MYPN: variants seen among roughly 807,000 people sequenced by gnomAD.
The protein encoded by MYPN is myopalladin, also known as sarcomeric protein myopalladin, 145 kDa (MYOP).
In MYPN, 63 loss-of-function variants were observed where a neutral mutation model predicts 129.4. The observed-to-expected ratio is 0.49, with a 90% CI of 0.40 to 0.60. The LOEUF (loss-of-function observed/expected upper bound fraction) is 0.60. Among genes scored for constraint, MYPN ranks in the 20% least tolerant of loss-of-function variants. MYPN has a pLI of 0.00. For synonymous variants in MYPN, 629 were observed against 600.9 expected (o/e 1.05, Z -0.68); for missense variants, 1,596 against 1,635.4 (o/e 0.98, Z 0.42).
intron 2 of MYPN, among the ~76,000 whole-genome samples, chr10:68,140,177 T>C (rs1403497133): frequency 3.9e-5 from 6 of 152,120 alleles, no homozygotes; most frequent in Non-Finnish European, 8.8e-5. Flanking sequence ...GCTTATGTGT[T>C]CACAGAATCA....
intron 15 of MYPN, among the ~76,000 whole-genome samples, chr10:68,196,171 A>G (rs1337258532): frequency 6.6e-6 from 1 of 152,260 alleles, no homozygotes; most frequent in Non-Finnish European, 1.5e-5. Context: ...TATGTAAATC[A>G]GACCCATTGA....
chr10:68,207,934 T>C (rs893423973), intron 19 of MYPN, among the ~76,000 whole-genome samples: 3 of 135,748 alleles, frequency 2.2e-5, no homozygotes, highest in African/African-American at 8.2e-5. Context: ...TCCCCCACAC[T>C]TAAATTGACT....
intron 1 of MYPN, among the ~76,000 whole-genome samples, chr10:68,113,012 T>C (rs566595953): frequency 1.1e-4 from 16 of 152,318 alleles, no homozygotes; most frequent in African/African-American, 3.8e-4. Context: ...TAGGGTGATA[T>C]CATTGGATAT....
rs1009996797 is a variant in MYPN, at chr10:68,211,435, C to T, written c.*980C>T. On this transcript the variant is annotated 3_prime_UTR_variant, in exon 20 of 20. Coordinates refer to ENST00000358913, the MANE Select transcript of MYPN (RefSeq NM_032578.4). ...GGAGAGTGTTGTTTTTGTCACTTGC[C>T]CCAGCAGAGCAGGGGTTTTGGAAGG... is the stretch of plus-strand genomic sequence containing the variant. 4.4e-6 allele frequency: 2 copies of T among 453,844 alleles called. No individual in the cohort carries two copies. The highest frequency in any genetic ancestry group is 8.8e-6 in the Non-Finnish European group (2 of 226,784). The allele number at this position is 453,844 out of a possible 1,614,324, so 28.1% of individuals were successfully genotyped here.
Position 68,174,229 on chromosome 10 carries a change from C to T in MYPN, c.2137C>T (p.Pro713Ser), listed in dbSNP as rs762572651. 2 of 1,614,118 alleles carry T rather than the reference C, an allele frequency of 1.2e-6. No homozygotes were observed. Among genetic ancestry groups the T allele is most frequent in the East Asian group, 2.2e-5 (1 of 44,882 alleles). The change falls in exon 11 of 20, where the codon CCT (proline) becomes TCT (serine). Residue 713 changes from proline to serine, a missense_variant. Transcript: ENST00000358913. Reference sequence around the variant, plus strand: ...AACATCCAGTAAGCAGGTGAAGGCTCCTTCATCACAGACGTTCAGCTTGGC... The same window carrying T: ...AACATCCAGTAAGCAGGTGAAGGCTTCTTCATCACAGACGTTCAGCTTGGC... ...VTTSSKQVKA[P>S]SSQTFSLARP... is the part of the protein sequence containing the mutation.
At chr10:68,102,666 G>T (rs2041987573), upstream of MYPN, among the ~76,000 whole-genome samples, 1 of 151,984 alleles carries the variant, frequency 6.6e-6, no homozygotes, top group Non-Finnish European at 1.5e-5. Context: ...TGGCAGTCTG[G>T]GTCTTGTTCC....
chr10:68,194,159 A>G (rs1056224188), intron 13 of MYPN, among the ~76,000 whole-genome samples: 1 of 152,030 alleles, frequency 6.6e-6, no homozygotes, highest in African/African-American at 2.4e-5. Context: ...TATAATATTT[A>G]ATATTAAATA....
In MYPN at chr10:68,175,380, T is replaced by A. The variant is rs1390437313; in HGVS notation, c.2622T>A (p.Asp874Glu). 3.1e-6 allele frequency: 5 copies of A among 1,613,918 alleles called. No homozygotes were observed. The highest frequency in any genetic ancestry group is 4.2e-6 in the Non-Finnish European group (5 of 1,179,788). The stretch of plus-strand genomic sequence containing the variant: ...AGTCTCCTCAACCAGTGAATGATGA[T>A]AACATTCGTGAAACTAAGAACGCAG... ...NTKSPQPVND[D>E]NIRETKNAVI... Residue 874 changes from aspartate (D) to glutamate (E), a missense_variant, in exon 12 of 20, where the codon GAT (aspartate) becomes GAA (glutamate). Transcript: ENST00000358913.
intron 2 of MYPN, among the ~76,000 whole-genome samples, chr10:68,142,272 T>A (rs2042589683): frequency 6.6e-6 from 1 of 152,244 alleles, no homozygotes; most frequent in African/African-American, 2.4e-5. Context: ...TATGCACCTC[T>A]ACATTTTAAA....
At chr10:68,129,825 G>T (rs2042382235) in intron 2 of MYPN, among the ~76,000 whole-genome samples, 1 of 152,148 alleles carries the variant, frequency 6.6e-6, no homozygotes, top group African/African-American at 2.4e-5. Context: ...TCCCAAATCT[G>T]AGAATTTCAA....
At chr10:68,150,192 T>G (rs985230584) in intron 6 of MYPN, 81 bp downstream of exon 6, 148 of 1,271,752 alleles carry the variant, frequency 1.2e-4, no homozygotes, top group Non-Finnish European at 1.6e-5. Flanking sequence ...GATTTATTCA[T>G]TTTTATCTCA....
chr10:68,174,411 A>T lies in MYPN; in HGVS notation c.2319A>T (p.Lys773Asn), dbSNP rs1468437257. The change falls in exon 11 of 20, where the codon AAA (lysine) becomes AAT (asparagine). Residue 773 changes from lysine (K) to asparagine (N), a missense_variant. Lys to Asn is a moderately conservative substitution (Grantham distance 94). Coordinates refer to ENST00000358913, the MANE Select transcript of MYPN (RefSeq NM_032578.4). The stretch of plus-strand genomic sequence containing the variant: ...TGTCTCACCCCTCTGTGCAAACCAA[A>T]TCTCCAGGAGGGCTTTCCATCCAAA... ...LLVSHPSVQTKSPGGLSIQNE... is the reference protein window; with the variant it reads ...LLVSHPSVQTNSPGGLSIQNE... 1 of 1,613,890 alleles carries T rather than the reference A, an allele frequency of 6.2e-7. No individual in the cohort carries two copies. Among genetic ancestry groups the T allele is most frequent in the Admixed American group, 1.7e-5 (1 of 59,986 alleles).
In MYPN at chr10:68,121,858, T is replaced by C. The variant is rs71578990; in HGVS notation, c.420T>C (p.Tyr140=). 117 of 1,614,238 alleles carry C rather than the reference T, an allele frequency of 7.2e-5. No individual in the cohort carries two copies. The Middle Eastern group carries it at 1.2e-3, about 16-fold the overall frequency. The change falls in exon 2 of 20, where the codon TAT becomes TAC. Residue 140 remains tyrosine (Y), a synonymous_variant. Transcript: ENST00000358913. ...CCCAGGAGGCAAAAAGGCCACAGTATTGTTCTGAAACCCAGTCCAAAAAAG... is the reference window on the plus strand; with the variant it reads ...CCCAGGAGGCAAAAAGGCCACAGTACTGTTCTGAAACCCAGTCCAAAAAAG... ...ESPQEAKRPQ[Y]CSETQSKKVF... is the part of the protein sequence containing the mutation.
At chr10:68,162,693 C>T (rs553240664) in intron 8 of MYPN, among the ~76,000 whole-genome samples, 8 of 152,222 alleles carry the variant, frequency 5.3e-5, no homozygotes, top group East Asian at 1.9e-4. Flanking sequence ...TGGTGGTTCA[C>T]GCCTGTAATC....
intron 10 of MYPN, among the ~76,000 whole-genome samples, chr10:68,168,129 C>T (rs774331665): frequency 3.3e-5 from 5 of 152,210 alleles, no homozygotes; most frequent in African/African-American, 7.2e-5. Context: ...GCCATGTCCC[C>T]ATTCCACATC....
chr10:68,179,147 T>C (rs78154655), intron 12 of MYPN, among the ~76,000 whole-genome samples: 5,178 of 152,290 alleles, frequency 0.034, 293 homozygotes, highest in African/African-American at 0.12. Context: ...TCTTTCCTCT[T>C]TCATCTCTTA....
intron 14 of MYPN, 118 bp from the exon 15 acceptor site, chr10:68,195,332 C>A (rs2043586297): frequency 6.2e-6 from 5 of 804,892 alleles, no homozygotes; most frequent in South Asian, 5.7e-5. Flanking sequence ...TTTCTCTCCC[C>A]CAAAGAAAAA....
At chr10:68,191,845 G>C (rs2043518820) in intron 13 of MYPN, among the ~76,000 whole-genome samples, 1 of 152,006 alleles carries the variant, frequency 6.6e-6, no homozygotes, top group Non-Finnish European at 1.5e-5. Flanking sequence ...ACGGATTTTT[G>C]TAAGTTGATT....
Position 68,121,938 on chromosome 10 carries a change from C to T in MYPN, c.500C>T (p.Ser167Phe), listed in dbSNP as rs745984657. The T allele has an allele frequency of 3.1e-6, 5 of 1,614,048 alleles. No individual in the cohort carries two copies. The East Asian group carries it at 1.1e-4, about 36-fold the overall frequency. ...FIEELSSLFK[S>F]HSSKRIRPRA... ...GAAGAGCTATCCTCCCTTTTCAAAT[C>T]CCACAGCTCCAAAAGGATTAGACCT... The change falls in exon 2 of 20, where the codon TCC becomes TTC. Residue 167 changes from serine to phenylalanine, a missense_variant. Transcript: ENST00000358913.
Sources: allele counts gnomAD v4.1 joint callset (sites outside exome capture counted in the v4.1 genomes callset), GRCh38; gene constraint gnomAD v4.1.1; transcripts MANE v1.5; gene names NCBI Gene and HGNC (gene_info 2026-07-23, HGNC 2026-07-21).